Variants in P4HB observed in about 807,000 individuals in gnomAD.
P4HB encodes the protein protein disulfide-isomerase.
P4HB carries 20 observed loss-of-function variants against 52.6 expected under a neutral mutation model. The observed-to-expected ratio is 0.38, with a 90% CI of 0.27 to 0.55. The LOEUF is 0.55. Ranked by LOEUF, P4HB falls within the 20% of genes least tolerant of loss-of-function variation. The pLI, the probability that P4HB is intolerant of heterozygous loss-of-function variation, is 0.74. For synonymous variants in P4HB, 296 were observed against 277.9 expected (o/e 1.07, Z -0.65); for missense variants, 601 against 669.2 (o/e 0.90, Z 1.12).
intron 2 of P4HB, among the ~76,000 whole-genome samples, chr17:81,858,362 G>A (rs1045309591): frequency 2.0e-5 from 3 of 151,358 alleles, no homozygotes; most frequent in African/African-American, 4.9e-5. Flanking sequence ...CTGCTTAAGG[G>A]GACAAAAGGA....
In P4HB at chr17:81,855,452, C is replaced by A; in HGVS notation, c.486+1G>T. The A allele has an allele frequency of 6.2e-7, 1 of 1,610,980 alleles. No individual in the cohort carries two copies. Among genetic ancestry groups the A allele is most frequent in the Non-Finnish European group, 8.5e-7 (1 of 1,178,162 alleles). ...GAAGACTGGAATGCTCTGGTCTCTA[C>A]CTTGAAGAAGCCGATGACAGCCACC... On this transcript the variant is annotated splice_donor_variant, in intron 3 of 10. Coordinates refer to ENST00000331483, the MANE Select transcript of P4HB (RefSeq NM_000918.4). LOFTEE classifies it high-confidence loss of function. This position sits in a 1 kb window ranked among gnomAD's most constrained non-coding sequence, Gnocchi z 4.3.
Position 81,855,361 on chromosome 17 carries a change from G to C in P4HB, c.487-82C>G. 1 of 1,600,880 alleles carries C rather than the reference G, an allele frequency of 6.2e-7. No homozygotes were observed. The highest frequency in any genetic ancestry group is 8.5e-7 in the Non-Finnish European group (1 of 1,170,674). On this transcript the variant is annotated intron_variant, in intron 3 of 10. Transcript: ENST00000331483. This position sits in a 1 kb window ranked among gnomAD's most constrained non-coding sequence, Gnocchi z 4.3. ...GCAGACCCTGTAGAGCCCAGGCCAG[G>C]GGGGACACGTGCAGAACTGCCAGCT...
At chr17:81,845,471 C>T (rs1001377524) in intron 9 of P4HB, 90 bp downstream of exon 9, 40 of 1,309,688 alleles carry the variant, frequency 3.1e-5, no homozygotes, top group Non-Finnish European at 3.9e-5. Context: ...TGACTAGCCC[C>T]AGGCTCCTTC....
chr17:81,860,522 G>C lies in P4HB; in HGVS notation c.-51C>G, dbSNP rs1488872308. ...TTCGGTTGGCGCCGCCGGGACAGCGGGGGCGACGAGAGCGCGCGCCGGTCC... is the reference window on the plus strand; with the variant it reads ...TTCGGTTGGCGCCGCCGGGACAGCGCGGGCGACGAGAGCGCGCGCCGGTCC... On this transcript the variant is annotated 5_prime_UTR_variant, in exon 1 of 11. Coordinates refer to ENST00000331483, the MANE Select transcript of P4HB (RefSeq NM_000918.4). 2 of 1,231,420 alleles carry C rather than the reference G, an allele frequency of 1.6e-6. No homozygotes were observed. Among genetic ancestry groups the C allele is most frequent in the Non-Finnish European group, 2.0e-6 (2 of 985,570 alleles). 76.3% of individuals were successfully genotyped at this position (1,231,420 alleles called of 1,614,324 possible). A position where few individuals can be genotyped will look rare whatever the true frequency, so the allele number is the denominator to read the frequency against.
intron 4 of P4HB, among the ~76,000 whole-genome samples, chr17:81,853,274 G>A (rs965859846): frequency 1.3e-5 from 2 of 152,072 alleles, no homozygotes; most frequent in African/African-American, 2.4e-5. Flanking sequence ...TGGATGCTCC[G>A]TGCTTACTAC....
At chr17:81,853,925 G>A (rs1311957697) in intron 4 of P4HB, among the ~76,000 whole-genome samples, 4 of 152,230 alleles carry the variant, frequency 2.6e-5, no homozygotes, top group Admixed American at 2.6e-4. Context: ...CGAGAAAAGA[G>A]ACAATAGAAA....
At chr17:81,852,597 A>G (rs929025835) in intron 4 of P4HB, among the ~76,000 whole-genome samples, 1 of 152,266 alleles carries the variant, frequency 6.6e-6, no homozygotes, top group Admixed American at 6.5e-5. Context: ...AGCCACCTTC[A>G]GTGGGCAGGA....
rs200785188 is a variant in P4HB at position 81,843,440 on chromosome 17, T to C, written c.*572A>G. On this transcript the variant is annotated 3_prime_UTR_variant, in exon 11 of 11. Transcript: ENST00000331483. ...CAGGGCTGGCAGCCACCAGCTCCTC[T>C]TCCAGGCATGGGGGACACCCTGACA... is the stretch of plus-strand genomic sequence containing the variant. 2.5e-6 allele frequency: 1 copy of C among 399,724 alleles called. No homozygotes were observed. 24.8% of individuals were successfully genotyped at this position (399,724 alleles called of 1,614,324 possible).
rs1045975760 is a variant in P4HB, at chr17:81,860,374, T to G, written c.98A>C (p.Asn33Thr). 2.0e-6 allele frequency: 3 copies of G among 1,473,538 alleles called. No homozygotes were observed. In the African/African-American group the frequency reaches 4.4e-5, roughly 22 times the overall value. 91.3% of individuals were successfully genotyped at this position (1,473,538 alleles called of 1,614,324 possible). Residue 33 changes from asparagine to threonine, a missense_variant, in exon 1 of 11, where the codon AAC (asparagine) becomes ACC (threonine). Asn to Thr is a moderately conservative substitution (Grantham distance 65). Transcript: ENST00000331483. The stretch of plus-strand genomic sequence containing the variant: ...GTGGGCCGCCAGCGCCTCCGCGAAG[T>G]TGCTTTTCCGCAGCACCAGGACGTG... Reference protein sequence around the residue: ...EDHVLVLRKSNFAEALAAHKY... With the variant: ...EDHVLVLRKSTFAEALAAHKY...
chr17:81,845,094 G>T, intron 10 of P4HB, 50 bp downstream of exon 10: 3 of 1,405,516 alleles, frequency 2.1e-6, no homozygotes, highest in Non-Finnish European at 3.0e-6. Context: ...GTCCCGTGGG[G>T]CCAAGGGGCT....
intron 4 of P4HB, among the ~76,000 whole-genome samples, chr17:81,853,749 C>T (rs1229373364): frequency 6.6e-6 from 1 of 152,108 alleles, no homozygotes; most frequent in East Asian, 1.9e-4. Flanking sequence ...CGATCGCCCC[C>T]GGCCGCCCTC....
At chr17:81,849,730 A>C (rs1315280961) in intron 4 of P4HB, among the ~76,000 whole-genome samples, 4 of 152,232 alleles carry the variant, frequency 2.6e-5, no homozygotes, top group Non-Finnish European at 4.4e-5. Context: ...GCTCAGGCTC[A>C]GAGAGGCGCC....
rs1186931217 is a variant in P4HB at position 81,859,344 on chromosome 17, A to G, written c.189T>C (p.Tyr63=). 3.1e-6 allele frequency: 5 copies of G among 1,613,874 alleles called. No individual in the cohort carries two copies. The South Asian group carries it at 5.5e-5, about 18-fold the overall frequency. The change falls in exon 2 of 11, where the codon TAT becomes TAC. Residue 63 remains tyrosine (Y), a synonymous_variant. Coordinates refer to ENST00000331483, the MANE Select transcript of P4HB (RefSeq NM_000918.4). ...CCTTCAGCTTCCCAGCGGCTTTGGC[A>G]TACTCAGGGGCCAGAGCCTTGCAGT... ...CGHCKALAPE[Y]AKAAGKLKAE... is the part of the protein sequence containing the mutation.
intron 5 of P4HB, 23 bp from the exon 6 acceptor site, chr17:81,847,095 TGGGTC>T: frequency 6.2e-7 from 1 of 1,613,882 alleles, no homozygotes; most frequent in Non-Finnish European, 8.5e-7. Flanking sequence ...CTTAAGTTAC[TGGGTC>T]TGAGTCACAC....
At position 81,855,417 on chromosome 17, in the gene P4HB, CGGAA is replaced by C. The variant is rs1427241390; in HGVS notation, c.486+32_486+35del. 61 of 1,598,124 alleles carry C rather than the reference CGGAA, an allele frequency of 3.8e-5. No homozygotes were observed. The highest frequency in any genetic ancestry group is 5.0e-5 in the Non-Finnish European group (59 of 1,169,402). ...CTGTGGACCCCTCCTCAATGGATGA[CGGAA>C]GGAAGGAAGACTGGAATGCTCTGGT... On this transcript the variant is annotated intron_variant, in intron 3 of 10. Transcript: ENST00000331483. This position sits in a 1 kb window ranked among gnomAD's most constrained non-coding sequence, Gnocchi z 4.3.
Position 81,860,464 on chromosome 17 carries a change from C to T in P4HB, c.8G>A (p.Arg3His). Residue 3 changes from arginine (R) to histidine (H), a missense_variant, in exon 1 of 11, where the codon CGC becomes CAC. Physicochemically the swap from Arg to His is conservative, Grantham distance 29. Transcript: ENST00000331483. The stretch of plus-strand genomic sequence containing the variant: ...CACGGCCAGGCACAGCAGAGCGCGG[C>T]GCAGCATGTCGGACACGGATCAGGC... ML[R>H]RALLCLAVAA... The T allele has an allele frequency of 7.5e-7, 1 of 1,331,152 alleles. No homozygotes were observed. Among genetic ancestry groups the T allele is most frequent in the Non-Finnish European group, 9.6e-7 (1 of 1,037,628 alleles). 82.5% of individuals were successfully genotyped at this position (1,331,152 alleles called of 1,614,324 possible).
At chr17:81,858,054 T>C (rs922045373) in intron 2 of P4HB, among the ~76,000 whole-genome samples, 13 of 151,806 alleles carry the variant, frequency 8.6e-5, no homozygotes, top group Non-Finnish European at 1.6e-4. Context: ...GACGGGTGGA[T>C]CACGAGGTCA....
chr17:81,846,790 G>T lies in P4HB; in HGVS notation c.855+157C>A. 8.3e-7 allele frequency: 1 copy of T among 1,198,504 alleles called. No individual in the cohort carries two copies. The highest frequency in any genetic ancestry group is 1.2e-6 in the Non-Finnish European group (1 of 834,504). 74.2% of individuals were successfully genotyped at this position (1,198,504 alleles called of 1,614,324 possible). ...AGCAGGTGACTGGGAGCAGAGGTCT[G>T]GCCTGGCTGGCCCCTCGCCTACATC... On this transcript the variant is annotated intron_variant, in intron 6 of 10. Transcript: ENST00000331483. This position sits in a 1 kb window ranked among gnomAD's most constrained non-coding sequence, Gnocchi z 5.7.
intron 4 of P4HB, among the ~76,000 whole-genome samples, chr17:81,853,416 C>T (rs919969799): frequency 1.3e-5 from 2 of 151,892 alleles, no homozygotes; most frequent in African/African-American, 2.4e-5. Flanking sequence ...ACTAAAAATA[C>T]AAAAAAATTA....
Sources: allele counts gnomAD v4.1 joint callset (sites outside exome capture counted in the v4.1 genomes callset), GRCh38; gene constraint gnomAD v4.1.1; non-coding constraint Gnocchi (gnomAD v3.1); transcripts MANE v1.5; gene names NCBI Gene and HGNC (gene_info 2026-07-23, HGNC 2026-07-21).